The following FERMT2 variants were observed in gnomAD, a reference collection of about 807,000 sequenced individuals.
FERMT2 encodes the protein fermitin family homolog 2.
FERMT2 carries 15 observed loss-of-function variants against 82.7 expected under a neutral mutation model. That is an observed-to-expected ratio of 0.18 (90% CI 0.12 to 0.28). The LOEUF (loss-of-function observed/expected upper bound fraction) is 0.28, where lower values mean the gene tolerates loss of function less well. FERMT2 is among the 10% of genes least tolerant of loss of function. FERMT2 has a pLI of 1.00. For missense variants in FERMT2, 645 were observed against 809.4 expected, an observed-to-expected ratio of 0.80 and a Z score of 2.46; for synonymous variants, 274 against 271.5, an observed-to-expected ratio of 1.01 and a Z score of -0.09.
At chr14:52,877,574 C>CTTTAATTTTTTTT (rs771194186) in intron 7 of FERMT2, among the ~76,000 whole-genome samples, 1 of 67,062 alleles carries the variant, frequency 1.5e-5, no homozygotes, top group African/African-American at 6.1e-5. Flanking sequence ...GCTGTTCTTG[C>CTTTAATTTTTTTT]TTTTTTTTTT....
chr14:52,920,923 G>C (rs1222047399), intron 2 of FERMT2, among the ~76,000 whole-genome samples: 1 of 151,834 alleles, frequency 6.6e-6, no homozygotes, highest in Admixed American at 6.6e-5. Flanking sequence ...ACTCCAGCCT[G>C]GGTGACAGAG....
At chr14:52,907,383 G>C (rs1888074672) in intron 3 of FERMT2, among the ~76,000 whole-genome samples, 1 of 152,148 alleles carries the variant, frequency 6.6e-6, no homozygotes, top group African/African-American at 2.4e-5. Context: ...AAGAAGAGAG[G>C]CATATGAAGT....
chr14:52,945,913 G>A (rs757052294), intron 2 of FERMT2, among the ~76,000 whole-genome samples: 7 of 152,152 alleles, frequency 4.6e-5, no homozygotes, highest in African/African-American at 1.4e-4. Context: ...GGTATTTAGC[G>A]TCTGCCAGGC....
At chr14:52,902,130 C>G (rs928945102) in intron 3 of FERMT2, among the ~76,000 whole-genome samples, 8 of 152,158 alleles carry the variant, frequency 5.3e-5, no homozygotes, top group African/African-American at 1.9e-4. Flanking sequence ...CGGTGGCTTA[C>G]GCCTGTAATC....
chr14:52,916,465 G>C (rs531479687), intron 3 of FERMT2, among the ~76,000 whole-genome samples: 2 of 152,256 alleles, frequency 1.3e-5, no homozygotes, highest in South Asian at 2.1e-4. Flanking sequence ...GCTACATACT[G>C]TATGAGTCCA....
At chr14:52,937,235 T>A (rs994637455) in intron 2 of FERMT2, among the ~76,000 whole-genome samples, 3 of 152,164 alleles carry the variant, frequency 2.0e-5, no homozygotes, top group Admixed American at 6.5e-5. Context: ...GAGTGAGGGT[T>A]AAGGAATGAG....
intron 2 of FERMT2, among the ~76,000 whole-genome samples, chr14:52,948,340 G>A (rs991229134): frequency 2.0e-5 from 3 of 152,172 alleles, no homozygotes; most frequent in African/African-American, 4.8e-5. Flanking sequence ...TGTTTTAAAT[G>A]CTGCCCTACC....
intron 3 of FERMT2, among the ~76,000 whole-genome samples, chr14:52,918,335 T>C (rs990952262): frequency 2.0e-5 from 3 of 152,156 alleles, no homozygotes; most frequent in Admixed American, 6.5e-5. Context: ...ATCACCAAAC[T>C]GTCAAGAATG....
rs1312536559 is a variant in FERMT2 at position 52,871,451 on chromosome 14, G to C, written c.1273+1348C>G. The stretch of plus-strand genomic sequence containing the variant: ...TGGTATCTACACTGAAAGTGAACCA[G>C]GTGATTTTATTGAAAAGTATTACCC... On this transcript the variant is annotated intron_variant, in intron 10 of 14. Transcript: ENST00000341590. The C allele has an allele frequency of 2.0e-5, 3 of 152,274 alleles. No individual in the cohort carries two copies. In the East Asian group the frequency reaches 5.8e-4, roughly 29 times the overall value. 9.4% of individuals were successfully genotyped at this position (152,274 alleles called of 1,614,324 possible). A position where few individuals can be genotyped will look rare whatever the true frequency, so the allele number is the denominator to read the frequency against.
chr14:52,903,371 C>G (rs1265936421), intron 3 of FERMT2, among the ~76,000 whole-genome samples: 1 of 151,908 alleles, frequency 6.6e-6, no homozygotes, highest in Non-Finnish European at 1.5e-5. Flanking sequence ...TACCCCATCT[C>G]TACAAAAAAT....
intron 4 of FERMT2, among the ~76,000 whole-genome samples, chr14:52,891,463 A>C (rs1886929388): frequency 1.3e-5 from 2 of 152,174 alleles, no homozygotes; most frequent in Admixed American, 1.3e-4. Context: ...CAGTACATAA[A>C]ACAGAAAAGT....
intron 2 of FERMT2, among the ~76,000 whole-genome samples, chr14:52,920,212 T>C (rs1888875965): frequency 6.6e-6 from 1 of 152,170 alleles, no homozygotes; most frequent in South Asian, 2.1e-4. Context: ...ATGACTAGGA[T>C]AGGAAGTTGG....
chr14:52,922,231 G>T (rs1313003156), intron 2 of FERMT2, among the ~76,000 whole-genome samples: 1 of 152,156 alleles, frequency 6.6e-6, no homozygotes, highest in African/African-American at 2.4e-5. Context: ...AGAAAGATGA[G>T]GTATCTCTCC....
chr14:52,946,927 C>A (rs1400400545), intron 2 of FERMT2, among the ~76,000 whole-genome samples: 1 of 152,106 alleles, frequency 6.6e-6, no homozygotes, highest in African/African-American at 2.4e-5. Context: ...CCTGCCTCAG[C>A]CTCCCTGCCT....
intron 2 of FERMT2, among the ~76,000 whole-genome samples, chr14:52,949,390 G>GAAAAAAAAAAAAAAAAAAA (rs1197953349): frequency 1.3e-5 from 1 of 75,974 alleles, no homozygotes; most frequent in Non-Finnish European, 2.9e-5. Context: ...AAAAAAAAAA[G>GAAAAAAAAAAAAAAAAAAA]AAAAAAAAAA....
intron 7 of FERMT2, among the ~76,000 whole-genome samples, chr14:52,877,574 C>CCTTT (rs1555367425): frequency 1.5e-5 from 1 of 67,062 alleles, no homozygotes; most frequent in East Asian, 6.1e-4. Flanking sequence ...GCTGTTCTTG[C>CCTTT]TTTTTTTTTT....
chr14:52,933,099 T>A (rs1364636276), intron 2 of FERMT2, among the ~76,000 whole-genome samples: 3 of 152,142 alleles, frequency 2.0e-5, no homozygotes, highest in Non-Finnish European at 4.4e-5. Flanking sequence ...TCCAGCAAAG[T>A]AAGGAAAGGC....
In FERMT2 at chr14:52,947,092, G is replaced by A. The variant is rs57858200; in HGVS notation, c.157+3320C>T. ...AAATGCAAAAACTTTGTCACATTAC[G>A]ATATAATTCCCCAAAGCCCACTTCA... On this transcript the variant is annotated intron_variant, in intron 2 of 14. Transcript: ENST00000341590. 9.2e-3 allele frequency among the ~76,000 whole-genome samples: 1,406 copies of A among 152,250 alleles called. 20 individuals are homozygous for A. Among genetic ancestry groups the A allele is most frequent in the African/African-American group, 0.032 (1,322 of 41,544 alleles).
intron 2 of FERMT2, among the ~76,000 whole-genome samples, chr14:52,938,049 G>C (rs1488193111): frequency 1.3e-5 from 2 of 152,238 alleles, no homozygotes; most frequent in Middle Eastern, 3.4e-3. Flanking sequence ...TTGTTTATAA[G>C]GACACTAAGT....
Sources: allele counts gnomAD v4.1 joint callset (sites outside exome capture counted in the v4.1 genomes callset), GRCh38; gene constraint gnomAD v4.1.1; transcripts MANE v1.5; gene names NCBI Gene and HGNC (gene_info 2026-07-23, HGNC 2026-07-21).